Variants in PMS2 observed in about 807,000 individuals in gnomAD.
The protein encoded by PMS2 is PMS1 homolog 2, mismatch repair system component.
PMS2 carries 69 observed loss-of-function variants against 90.0 expected under a neutral mutation model. The ratio of observed to expected loss-of-function variants is 0.77; its 90% CI spans 0.63 to 0.94. PMS2 has a LOEUF of 0.94. Among genes scored for constraint, PMS2 ranks in the 40% least tolerant of loss-of-function variants. The pLI, the probability that PMS2 is intolerant of heterozygous loss-of-function variation, is 0.00. For missense variants in PMS2, 966 were observed against 1,040.2 expected, an observed-to-expected ratio of 0.93 and a Z score of 0.98; for synonymous variants, 332 against 375.1, an observed-to-expected ratio of 0.89 and a Z score of 1.33.
intron 8 of PMS2, among the ~76,000 whole-genome samples, chr7:5,993,387 A>AAAG (rs1783986325): frequency 3.2e-5 from 4 of 125,910 alleles, no homozygotes; most frequent in African/African-American, 9.1e-5. Flanking sequence ...AAAAAAAAAA[A>AAAG]AAAGAAAGAA....
At chr7:5,999,494 G>A (rs1270193237) in intron 5 of PMS2, among the ~76,000 whole-genome samples, 1 of 152,004 alleles carries the variant, frequency 6.6e-6, no homozygotes, top group Non-Finnish European at 1.5e-5. Flanking sequence ...TTCCCAATGT[G>A]CCATGCATCC....
chr7:5,984,856 C>T (rs1181573474), intron 11 of PMS2, among the ~76,000 whole-genome samples: 1 of 151,740 alleles, frequency 6.6e-6, no homozygotes, highest in Non-Finnish European at 1.5e-5. Context: ...GGTCCCATGC[C>T]ACCATGCTCG....
rs1274000256 is a variant in PMS2, at chr7:5,993,121, AG to A, written c.904-1065del. Among the ~76,000 whole-genome samples the A allele has an allele frequency of 2.6e-5, 4 of 152,164 alleles. No individual in the cohort carries two copies. The South Asian group carries it at 8.3e-4, about 31-fold the overall frequency. On this transcript the variant is annotated intron_variant, in intron 8 of 14. Transcript: ENST00000265849. Reference sequence around the variant, plus strand: ...AGCGGTGGCTCACGCCTGTAATCCCAGCACTTTGGGAGGTCAAGGCAGGTGG... The same window carrying A: ...AGCGGTGGCTCACGCCTGTAATCCCACACTTTGGGAGGTCAAGGCAGGTGG...
chr7:6,008,448 T>C (rs1025880936), intron 1 of PMS2, among the ~76,000 whole-genome samples: 2 of 151,966 alleles, frequency 1.3e-5, no homozygotes, highest in Non-Finnish European at 2.9e-5. Flanking sequence ...GTCCCCAAAA[T>C]AACCTTAATT....
intron 8 of PMS2, among the ~76,000 whole-genome samples, chr7:5,993,370 CAAAAAA>C (rs141290969): frequency 1.4e-5 from 1 of 72,976 alleles, no homozygotes; most frequent in Non-Finnish European, 2.4e-5. Context: ...GACTCCGTCT[CAAAAAA>C]AAAAAAAAAA....
In PMS2 at chr7:5,995,578, T is replaced by C. The variant is rs876658712; in HGVS notation, c.859A>G (p.Arg287Gly). ...THGVGRSSTD[R>G]QFFFINRRPC... ...CGCCGGTTGATAAAGAAAAACTGTC[T>C]GTCTGTTGAACTCCTTCCAACTCCA... Residue 287 changes from arginine to glycine, a missense_variant, in exon 8 of 15, where the codon AGA becomes GGA. Transcript: ENST00000265849. The C allele has an allele frequency of 6.2e-7, 1 of 1,614,122 alleles. No homozygotes were observed. Among genetic ancestry groups the C allele is most frequent in the Non-Finnish European group, 8.5e-7 (1 of 1,179,964 alleles).
rs1785226633 is a variant in PMS2 at position 6,002,598 on chromosome 7, A to G, written c.392T>C (p.Val131Ala). 1.9e-6 allele frequency: 3 copies of G among 1,611,804 alleles called. No homozygotes were observed. The highest frequency in any genetic ancestry group is 2.2e-5 in the South Asian group (2 of 90,990). Reference sequence around the variant, plus strand: ...GTGATCAAACATCAGTCGAGTTCCAACCTTCGCCGATGCGTGGCAGGTAGA... The same window carrying G: ...GTGATCAAACATCAGTCGAGTTCCAGCCTTCGCCGATGCGTGGCAGGTAGA... Reference protein sequence around the residue: ...TISTCHASAKVGTRLMFDHNG... With the variant: ...TISTCHASAKAGTRLMFDHNG... Residue 131 changes from valine to alanine, a missense_variant, in exon 5 of 15, where the codon GTT becomes GCT. Coordinates refer to ENST00000265849, the MANE Select transcript of PMS2 (RefSeq NM_000535.7).
intron 5 of PMS2, among the ~76,000 whole-genome samples, chr7:6,001,473 C>T (rs767759883): frequency 2.6e-5 from 4 of 151,306 alleles, no homozygotes; most frequent in Non-Finnish European, 5.9e-5. Context: ...CGGATTCCAG[C>T]GATTCTCCTG....
At chr7:5,988,714 C>T (rs1303215014) in intron 10 of PMS2, among the ~76,000 whole-genome samples, 2 of 152,170 alleles carry the variant, frequency 1.3e-5, no homozygotes, top group East Asian at 1.9e-4. Context: ...GTATAGCGAA[C>T]GAATAAATGA....
chr7:6,005,085 A>G (rs1324048665), intron 2 of PMS2, among the ~76,000 whole-genome samples: 4 of 151,986 alleles, frequency 2.6e-5, no homozygotes, highest in Non-Finnish European at 5.9e-5. Flanking sequence ...TTGTATTTTT[A>G]GTAGAGACAG....
At chr7:5,992,666 G>C (rs1043554380) in intron 8 of PMS2, among the ~76,000 whole-genome samples, 2 of 152,076 alleles carry the variant, frequency 1.3e-5, no homozygotes, top group Non-Finnish European at 2.9e-5. Flanking sequence ...GACTAACATG[G>C]AATAAACTAC....
rs1047715699 is a variant in PMS2, at chr7:5,989,978, T to A, written c.989-23A>T. 1.2e-5 allele frequency: 17 copies of A among 1,405,526 alleles called. No individual in the cohort carries two copies. Among genetic ancestry groups the A allele is most frequent in the East Asian group, 2.4e-5 (1 of 42,422 alleles). The allele number at this position is 1,405,526 out of a possible 1,614,324, so 87.1% of individuals were successfully genotyped here. On this transcript the variant is annotated intron_variant, in intron 9 of 14. Coordinates refer to ENST00000265849, the MANE Select transcript of PMS2 (RefSeq NM_000535.7). ...ATTCTAAGGCAAAAAAGAAAACATA[T>A]TTATTATGTTTAAATTCACTTTTAT...
intron 7 of PMS2, 96 bp downstream of exon 7, chr7:5,997,230 G>T: frequency 3.0e-6 from 2 of 657,656 alleles, no homozygotes; most frequent in Non-Finnish European, 2.7e-6. Context: ...AAAAAAAAAA[G>T]ACACGAAACT....
chr7:6,008,907 G>T (rs1583434118), intron 1 of PMS2, 90 bp downstream of exon 1: 1 of 1,499,606 alleles, frequency 6.7e-7, no homozygotes, highest in Admixed American at 1.7e-5. Flanking sequence ...CCTCGGCCAT[G>T]TTCCCCCCAT....
At chr7:5,995,492 A>C in intron 8 of PMS2, 42 bp downstream of exon 8, 1 of 1,254,414 alleles carries the variant, frequency 8.0e-7, no homozygotes, top group Non-Finnish European at 1.2e-6. Flanking sequence ...ATTAAAAGTC[A>C]AAGGCATAAA....
intron 5 of PMS2, 31 bp downstream of exon 5, chr7:6,002,422 A>G (rs778067859): frequency 2.1e-6 from 3 of 1,414,946 alleles, no homozygotes; most frequent in South Asian, 2.3e-5. Context: ...ATTAACCAAT[A>G]CTCTTGAAAA....
intron 14 of PMS2, among the ~76,000 whole-genome samples, chr7:5,976,057 G>A (rs538115993): frequency 6.9e-6 from 1 of 144,850 alleles, no homozygotes; most frequent in South Asian, 2.3e-4. Flanking sequence ...TGACCAACAT[G>A]GTGAAACCCC....
At chr7:6,000,655 C>G (rs906888935) in intron 5 of PMS2, among the ~76,000 whole-genome samples, 1 of 152,066 alleles carries the variant, frequency 6.6e-6, no homozygotes, top group Non-Finnish European at 1.5e-5. Flanking sequence ...AGTAAGTTTT[C>G]TCTACTTTAG....
rs960500339 is a variant in PMS2, at chr7:6,002,304, T to C, written c.537+149A>G. The C allele has an allele frequency of 9.0e-6, 6 of 663,208 alleles. No individual in the cohort carries two copies. In the African/African-American group the frequency reaches 1.1e-4, roughly 12 times the overall value. 41.1% of individuals were successfully genotyped at this position (663,208 alleles called of 1,614,324 possible). On this transcript the variant is annotated intron_variant, in intron 5 of 14. Coordinates refer to ENST00000265849, the MANE Select transcript of PMS2 (RefSeq NM_000535.7). ...GTAAATCATCCTAAAGTTAAGTCTTTAATGTTAAATCTTTAATGAGAAATG... is the reference window on the plus strand; with the variant it reads ...GTAAATCATCCTAAAGTTAAGTCTTCAATGTTAAATCTTTAATGAGAAATG...
Sources: gnomAD v4.1 joint callset for allele counts (sites outside exome capture counted in the v4.1 genomes callset) on GRCh38, gnomAD v4.1.1 for gene constraint, MANE v1.5 for transcripts, NCBI Gene and HGNC (gene_info 2026-07-23, HGNC 2026-07-21) for gene names.